Variants in PATL1 observed in about 807,000 individuals in gnomAD.
The protein encoded by PATL1 is protein PAT1 homolog 1.
A neutral mutation model predicts 100.6 loss-of-function variants in PATL1; 32 were observed. The ratio of observed to expected loss-of-function variants is 0.32; its 90% CI spans 0.24 to 0.43. The LOEUF (loss-of-function observed/expected upper bound fraction) is 0.43, where lower values mean the gene tolerates loss of function less well. PATL1 is among the 20% of genes least tolerant of loss of function. PATL1 has a pLI of 1.00. For synonymous variants in PATL1, 332 were observed against 330.0 expected (o/e 1.01, Z -0.07); for missense variants, 747 against 949.9 (o/e 0.79, Z 2.81).
chr11:59,659,397 T>C lies in PATL1; in HGVS notation c.200A>G (p.Gln67Arg). Residue 67 changes from glutamine (Q) to arginine (R), a missense_variant, in exon 3 of 19, where the codon CAA becomes CGA. Gln to Arg is a conservative substitution (Grantham distance 43, BLOSUM62 1). Transcript: ENST00000300146. ...TTCATCTCTCTCTCCATTGCCTGTT[T>C]GTTCATTAACTGCCACTGGTAGCTT... Reference protein sequence around the residue: ...EEKLPVAVNEQTGNGERDEMD... With the variant: ...EEKLPVAVNERTGNGERDEMD... 1 of 1,551,474 alleles carries C rather than the reference T, an allele frequency of 6.4e-7. No individual in the cohort carries two copies. The highest frequency in any genetic ancestry group is 8.7e-7 in the Non-Finnish European group (1 of 1,146,892).
At chr11:59,646,811 C>T (rs906221426) in intron 15 of PATL1, among the ~76,000 whole-genome samples, 2 of 152,144 alleles carry the variant, frequency 1.3e-5, no homozygotes, top group Admixed American at 6.6e-5. Context: ...GCTCATCTTT[C>T]AGGTGTGCTA....
intron 2 of PATL1, among the ~76,000 whole-genome samples, chr11:59,661,034 T>A (rs150013574): frequency 2.0e-5 from 3 of 152,298 alleles, no homozygotes; most frequent in East Asian, 3.9e-4. Flanking sequence ...TCCAATCTTA[T>A]TCCATTCTGC....
intron 15 of PATL1, among the ~76,000 whole-genome samples, chr11:59,643,558 A>T (rs1212385169): frequency 1.3e-5 from 2 of 152,002 alleles, no homozygotes; most frequent in Admixed American, 1.3e-4. Context: ...CAAATAAAAA[A>T]GTTTCACCTG....
chr11:59,639,125 A>G lies in PATL1; in HGVS notation c.2214T>C (p.Ser738=). Residue 738 remains serine, a synonymous_variant, in exon 18 of 19, where the codon TCT becomes TCC. Coordinates refer to ENST00000300146, the MANE Select transcript of PATL1 (RefSeq NM_152716.3). ...IPQAALAKPI[S]IPTNLVSLFS... ...AGAGGGACACTAGGTTTGTAGGTAT[A>G]GAGATTGGCTTGGCCAGGGCTGCTT... The G allele has an allele frequency of 1.2e-6, 2 of 1,613,894 alleles. No homozygotes were observed. Among genetic ancestry groups the G allele is most frequent in the Non-Finnish European group, 1.7e-6 (2 of 1,179,754 alleles).
Position 59,657,606 on chromosome 11 carries a change from A to G in PATL1, c.545T>C (p.Ile182Thr). The change falls in exon 5 of 19, where the codon ATT (isoleucine) becomes ACT (threonine). Residue 182 changes from isoleucine to threonine, a missense_variant. Physicochemically the swap from Ile to Thr is moderately conservative, Grantham distance 89. Coordinates refer to ENST00000300146, the MANE Select transcript of PATL1 (RefSeq NM_152716.3). Reference protein sequence around the residue: ...ALPRRSTSPIIGSPPVRAVPI... With the variant: ...ALPRRSTSPITGSPPVRAVPI... Reference sequence around the variant, plus strand: ...GACAGCTCTAACAGGAGGACTGCCAATGATAGGTGAAGTTGACCGCCTTGG... The same window carrying G: ...GACAGCTCTAACAGGAGGACTGCCAGTGATAGGTGAAGTTGACCGCCTTGG... 1.2e-6 allele frequency: 2 copies of G among 1,612,878 alleles called. No homozygotes were observed. Among genetic ancestry groups the G allele is most frequent in the Non-Finnish European group, 1.7e-6 (2 of 1,179,822 alleles).
chr11:59,643,522 A>C (rs1861316416), intron 15 of PATL1, among the ~76,000 whole-genome samples: 1 of 151,844 alleles, frequency 6.6e-6, no homozygotes, highest in South Asian at 2.1e-4. Flanking sequence ...TAGTCTGGAC[A>C]ACGTAGTGAG....
rs764270490 is a variant in PATL1, at chr11:59,647,712, T to TATA, written c.1893+39_1893+41dup. 532 of 1,598,192 alleles carry TATA rather than the reference T, an allele frequency of 3.3e-4. 1 individual carries two copies. The Middle Eastern group carries it at 7.5e-3, about 22-fold the overall frequency. On this transcript the variant is annotated intron_variant, in intron 15 of 18. Coordinates refer to ENST00000300146, the MANE Select transcript of PATL1 (RefSeq NM_152716.3). The stretch of plus-strand genomic sequence containing the variant: ...TTTGCATTCTAGAAATCTTATCACT[T>TATA]ATAAAGACTCAAAAGAAAGATGTCC...
intron 1 of PATL1, 81 bp from the exon 2 acceptor site, chr11:59,667,045 CT>C (rs139834290): frequency 0.021 from 31,345 of 1,476,884 alleles, 1,189 homozygotes; most frequent in Admixed American, 0.15. Flanking sequence ...TTCATCTTAC[CT>C]TCTCAATGAA....
intron 15 of PATL1, among the ~76,000 whole-genome samples, chr11:59,644,354 TA>T (rs1359162488): frequency 6.6e-6 from 1 of 152,106 alleles, no homozygotes; most frequent in Non-Finnish European, 1.5e-5. Context: ...GAAAGAATTT[TA>T]AAATATCATC....
chr11:59,647,222 CAAA>C (rs1175300355), intron 15 of PATL1, among the ~76,000 whole-genome samples: 1 of 60,482 alleles, frequency 1.7e-5, no homozygotes, highest in Non-Finnish European at 3.4e-5. Context: ...AACTCTGTCT[CAAA>C]AAAAAAAAAA....
At position 59,654,934 on chromosome 11, in the gene PATL1, T is replaced by A. The variant is rs149727103; in HGVS notation, c.1031+589A>T. On this transcript the variant is annotated intron_variant, in intron 8 of 18. Coordinates refer to ENST00000300146, the MANE Select transcript of PATL1 (RefSeq NM_152716.3). Reference sequence around the variant, plus strand: ...ACTAAAGTTTCCCAGAAGAAGGAATTCTGCCTCAAAACTGGAACACAGAAA... The same window carrying A: ...ACTAAAGTTTCCCAGAAGAAGGAATACTGCCTCAAAACTGGAACACAGAAA... Among the ~76,000 whole-genome samples, 389 of 152,326 alleles carry A rather than the reference T, an allele frequency of 2.6e-3. 1 individual carries two copies. The highest frequency in any genetic ancestry group is 8.9e-3 in the African/African-American group (372 of 41,578).
At chr11:59,655,456 A>T (rs960273585) in intron 8 of PATL1, 67 bp downstream of exon 8, 11 of 1,330,212 alleles carry the variant, frequency 8.3e-6, no homozygotes, top group African/African-American at 7.5e-5. Context: ...GAGACTTATA[A>T]AACTACACAT....
chr11:59,638,267 ATCCCACAAGAC>A lies in PATL1; in HGVS notation c.*112_*122del. On this transcript the variant is annotated 3_prime_UTR_variant, in exon 19 of 19. Coordinates refer to ENST00000300146, the MANE Select transcript of PATL1 (RefSeq NM_152716.3). ...AGACAACCCCTGTAAACAGGAATCGATCCCACAAGACTTTGCTTTGGGGAAAAAGCTACCTT... is the reference window on the plus strand; with the variant it reads ...AGACAACCCCTGTAAACAGGAATCGATTTGCTTTGGGGAAAAAGCTACCTT... 1 of 956,366 alleles carries A rather than the reference ATCCCACAAGAC, an allele frequency of 1.0e-6. No individual in the cohort carries two copies. Among genetic ancestry groups the A allele is most frequent in the Non-Finnish European group, 1.6e-6 (1 of 611,964 alleles). The allele number at this position is 956,366 out of a possible 1,614,324, so 59.2% of individuals were successfully genotyped here.
rs183915644 is a variant in PATL1 at position 59,660,516 on chromosome 11, T to C, written c.128-1047A>G. Among the ~76,000 whole-genome samples, 21 of 152,028 alleles carry C rather than the reference T, an allele frequency of 1.4e-4. No homozygotes were observed. The East Asian group carries it at 4.1e-3, about 29-fold the overall frequency. Reference sequence around the variant, plus strand: ...GCAAAGATTCTAAAGAGTAAGAGGGTTAGCAATTTGGATATCTGGGAGAAG... The same window carrying C: ...GCAAAGATTCTAAAGAGTAAGAGGGCTAGCAATTTGGATATCTGGGAGAAG... On this transcript the variant is annotated intron_variant, in intron 2 of 18. Coordinates refer to ENST00000300146, the MANE Select transcript of PATL1 (RefSeq NM_152716.3).
At position 59,657,521 on chromosome 11, in the gene PATL1, G is replaced by A; in HGVS notation, c.621+9C>T. On this transcript the variant is annotated intron_variant, in intron 5 of 18. Transcript: ENST00000300146. ...TATCCTGGGCTGTGTGCTTGTTAAT[G>A]AGAGGTACCTGTTGGGTGAAGCTGG... 6.3e-7 allele frequency: 1 copy of A among 1,579,316 alleles called. No individual in the cohort carries two copies. Among genetic ancestry groups the A allele is most frequent in the Non-Finnish European group, 8.6e-7 (1 of 1,157,390 alleles).
chr11:59,648,137 TA>T (rs944433295), intron 14 of PATL1, among the ~76,000 whole-genome samples: 2 of 150,500 alleles, frequency 1.3e-5, no homozygotes, highest in Admixed American at 6.6e-5. Context: ...ATTATATGGT[TA>T]AAAAAAACTT....
intron 1 of PATL1, 56 bp from the exon 2 acceptor site, chr11:59,667,020 A>G: frequency 2.0e-6 from 3 of 1,513,386 alleles, no homozygotes; most frequent in Non-Finnish European, 2.6e-6. Flanking sequence ...TCATTTTAAA[A>G]ATGTTCTAAA....
chr11:59,649,541 G>C lies in PATL1; in HGVS notation c.1654C>G (p.Pro552Ala), dbSNP rs747869498. 1 of 1,613,832 alleles carries C rather than the reference G, an allele frequency of 6.2e-7. No individual in the cohort carries two copies. The highest frequency in any genetic ancestry group is 2.2e-5 in the East Asian group (1 of 44,868). The change falls in exon 14 of 19, where the codon CCT (proline) becomes GCT (alanine). Residue 552 changes from proline (P) to alanine (A), a missense_variant. Coordinates refer to ENST00000300146, the MANE Select transcript of PATL1 (RefSeq NM_152716.3). The stretch of plus-strand genomic sequence containing the variant: ...TGCTTTCTGTCATCCATTAGGGCAG[G>C]TCGCTCTTCTTCCAGACTTAGGAGA... ...RYLLSLEEER[P>A]ALMDDRKHKI...
chr11:59,645,809 T>A (rs1861356699), intron 15 of PATL1, among the ~76,000 whole-genome samples: 1 of 152,216 alleles, frequency 6.6e-6, no homozygotes, highest in Non-Finnish European at 1.5e-5. Context: ...AGGACTCTAG[T>A]AATCTATTAA....
Sources: allele counts gnomAD v4.1 joint callset (sites outside exome capture counted in the v4.1 genomes callset), GRCh38; gene constraint gnomAD v4.1.1; transcripts MANE v1.5; gene names NCBI Gene and HGNC (gene_info 2026-07-23, HGNC 2026-07-21).